The following ZFP90 variants were observed in gnomAD, a reference collection of about 807,000 sequenced individuals.
The protein encoded by ZFP90 is ZFP90 zinc finger protein, also known as zinc finger protein 90 homolog.
In ZFP90, 38 loss-of-function variants were observed where a neutral mutation model predicts 60.8. That is an observed-to-expected ratio of 0.62 (90% CI 0.48 to 0.82). ZFP90 has a LOEUF of 0.82. Ranked by LOEUF, ZFP90 falls within the 40% of genes least tolerant of loss-of-function variation. The pLI is 0.00. For missense variants in ZFP90, 711 were observed against 759.1 expected, an observed-to-expected ratio of 0.94 and a Z score of 0.74; for synonymous variants, 287 against 264.8, an observed-to-expected ratio of 1.08 and a Z score of -0.82.
At chr16:68,538,706 C>CAA (rs34774456), upstream of ZFP90, among the ~76,000 whole-genome samples, 108,421 of 145,192 alleles carry the variant, frequency 0.75, 40,257 homozygotes, top group East Asian at 0.81. Context: ...AACTGTGTCT[C>CAA]AAAAAAAAAA....
chr16:68,564,798 G>T lies in ZFP90; in HGVS notation c.*100G>T, dbSNP rs990244994. 2.1e-6 allele frequency: 3 copies of T among 1,462,746 alleles called. No homozygotes were observed. The highest frequency in any genetic ancestry group is 1.4e-5 in the African/African-American group (1 of 70,536). The allele number at this position is 1,462,746 out of a possible 1,614,324, so 90.6% of individuals were successfully genotyped here. A position where few individuals can be genotyped will look rare whatever the true frequency, so the allele number is the denominator to read the frequency against. ...AGCTTGGGAATGTAATGAATTACGT[G>T]TGTGTTTATACGTTGTGTGTGGAGA... On this transcript the variant is annotated 3_prime_UTR_variant, in exon 5 of 5. Coordinates refer to ENST00000563169, the MANE Select transcript of ZFP90 (RefSeq NM_001305203.2).
Position 68,565,854 on chromosome 16 carries a change from G to A in ZFP90, c.*1156G>A. On this transcript the variant is annotated 3_prime_UTR_variant, in exon 5 of 5. Transcript: ENST00000563169. ...AAAAAAATTAACTTGGCTAGGTATGGTGTCTCACACCTGTAATCCCAGCAC... is the reference window on the plus strand; with the variant it reads ...AAAAAAATTAACTTGGCTAGGTATGATGTCTCACACCTGTAATCCCAGCAC... 2.0e-6 allele frequency: 2 copies of A among 985,022 alleles called. No homozygotes were observed. Among genetic ancestry groups the A allele is most frequent in the African/African-American group, 3.5e-5 (2 of 57,264 alleles). 61.0% of individuals were successfully genotyped at this position (985,022 alleles called of 1,614,324 possible).
upstream of ZFP90, among the ~76,000 whole-genome samples, chr16:68,537,964 G>T (rs1033803027): frequency 1.3e-5 from 2 of 151,912 alleles, no homozygotes; most frequent in African/African-American, 4.8e-5. Flanking sequence ...CCAGGTTGGA[G>T]TGCAATGGTG....
downstream of ZFP90, among the ~76,000 whole-genome samples, chr16:68,568,444 C>T (rs1024986101): frequency 6.6e-6 from 1 of 152,130 alleles, no homozygotes; most frequent in Non-Finnish European, 1.5e-5. Flanking sequence ...ACACTGCTGG[C>T]AAGAGGGTAA....
At chr16:68,543,601 G>A (rs1321041215) in intron 2 of ZFP90, among the ~76,000 whole-genome samples, 2 of 147,574 alleles carry the variant, frequency 1.4e-5, no homozygotes, top group African/African-American at 2.5e-5. Context: ...TTGCTCTGTC[G>A]CCAGGCTAGA....
chr16:68,556,887 T>C (rs1021266888), intron 2 of ZFP90, among the ~76,000 whole-genome samples: 1 of 152,174 alleles, frequency 6.6e-6, no homozygotes, highest in African/African-American at 2.4e-5. Flanking sequence ...CATGTGGACA[T>C]GCAGGAGGCT....
chr16:68,558,877 C>T (rs1399679834), intron 4 of ZFP90, among the ~76,000 whole-genome samples: 1 of 150,992 alleles, frequency 6.6e-6, no homozygotes, highest in Non-Finnish European at 1.5e-5. Flanking sequence ...GTTGATCTCC[C>T]CCATCTTTTC....
At chr16:68,561,480 T>G (rs1567408666) in intron 4 of ZFP90, among the ~76,000 whole-genome samples, 1 of 152,234 alleles carries the variant, frequency 6.6e-6, no homozygotes, top group Non-Finnish European at 1.5e-5. Context: ...CTAATATTTA[T>G]TTCTTCCTTT....
chr16:68,539,840 C>G lies in ZFP90; in HGVS notation c.33+15C>G, dbSNP rs1318992341. 1 of 1,606,006 alleles carries G rather than the reference C, an allele frequency of 6.2e-7. No individual in the cohort carries two copies. Among genetic ancestry groups the G allele is most frequent in the East Asian group, 2.2e-5 (1 of 44,730 alleles). The stretch of plus-strand genomic sequence containing the variant: ...CCGCGCCCCAGGTGAGCAACGCGTT[C>G]CTAACCTCCTGGGCATCCCATCCAT... On this transcript the variant is annotated intron_variant, in intron 2 of 4. Transcript: ENST00000563169.
rs755270156 is a variant in ZFP90 at position 68,564,598 on chromosome 16, C to T, written c.1811C>T (p.Thr604Ile). ...CTGCATGATCATCAGAGAATTCATA[C>T]TGGAGAAAAACCCTATTCTTGTAAG... Reference protein sequence around the residue: ...TNLHDHQRIHTGEKPYSCKEC... With the variant: ...TNLHDHQRIHIGEKPYSCKEC... Residue 604 changes from threonine to isoleucine, a missense_variant, in exon 5 of 5, where the codon ACT (threonine) becomes ATT (isoleucine). Physicochemically the swap from Thr to Ile is moderately conservative, Grantham distance 89. Coordinates refer to ENST00000563169, the MANE Select transcript of ZFP90 (RefSeq NM_001305203.2). 4 of 1,614,048 alleles carry T rather than the reference C, an allele frequency of 2.5e-6. No homozygotes were observed. In the Admixed American group the frequency reaches 6.7e-5, roughly 27 times the overall value.
downstream of ZFP90, among the ~76,000 whole-genome samples, chr16:68,569,973 T>G (rs1297095177): frequency 6.6e-6 from 1 of 152,122 alleles, no homozygotes; most frequent in Non-Finnish European, 1.5e-5. Context: ...ATTTATTTTT[T>G]TTTTCGTCTA....
downstream of ZFP90, among the ~76,000 whole-genome samples, chr16:68,571,437 C>G (rs976195601): frequency 6.6e-6 from 1 of 152,246 alleles, no homozygotes; most frequent in Non-Finnish European, 1.5e-5. Context: ...GTATGTGCCT[C>G]TGTGAATGTT....
intron 2 of ZFP90, among the ~76,000 whole-genome samples, chr16:68,552,066 TTAG>T (rs1166713246): frequency 1.5e-5 from 1 of 65,602 alleles, no homozygotes; most frequent in East Asian, 5.4e-4. Context: ...GGCTGCTTTG[TTAG>T]TTTTTAAAAG....
chr16:68,539,344 G>C lies in ZFP90; in HGVS notation c.-171G>C, dbSNP rs1366428768. On this transcript the variant is annotated 5_prime_UTR_variant, in exon 1 of 5. Transcript: ENST00000563169. ...CATTGTCCGACCCCGGTGCGGCTGA[G>C]GCCCCTTTGGGCAGCCCCTCCGCAG... 1 of 187,434 alleles carries C rather than the reference G, an allele frequency of 5.3e-6. No homozygotes were observed. Among genetic ancestry groups the C allele is most frequent in the Admixed American group, 6.2e-5 (1 of 16,260 alleles). The allele number at this position is 187,434 out of a possible 1,614,324, so 11.6% of individuals were successfully genotyped here.
chr16:68,538,862 A>G (rs990491317), upstream of ZFP90, among the ~76,000 whole-genome samples: 23 of 152,158 alleles, frequency 1.5e-4, no homozygotes, highest in African/African-American at 5.3e-4. Context: ...TTTCTCTAAA[A>G]TGAGAAATGG....
chr16:68,566,134 T>C lies in ZFP90; in HGVS notation c.*1436T>C, dbSNP rs977117573. ...AGCAACAGAGCAAGACACACACACATCAATTTATTTTAGTTGTATAATGCT... is the reference window on the plus strand; with the variant it reads ...AGCAACAGAGCAAGACACACACACACCAATTTATTTTAGTTGTATAATGCT... On this transcript the variant is annotated 3_prime_UTR_variant, in exon 5 of 5. Coordinates refer to ENST00000563169, the MANE Select transcript of ZFP90 (RefSeq NM_001305203.2). 2.2e-6 allele frequency: 2 copies of C among 924,854 alleles called. No homozygotes were observed. The highest frequency in any genetic ancestry group is 2.5e-6 in the Non-Finnish European group (2 of 795,274). 57.3% of individuals were successfully genotyped at this position (924,854 alleles called of 1,614,324 possible).
chr16:68,548,504 T>TTTTTTTTTTTTTTA (rs2091195879), intron 2 of ZFP90, among the ~76,000 whole-genome samples: 1 of 55,690 alleles, frequency 1.8e-5, no homozygotes, highest in Admixed American at 1.9e-4. Flanking sequence ...TTTTTTTTTT[T>TTTTTTTTTTTTTTA]ATTGAGACGG....
rs2090994525 is a variant in ZFP90 at position 68,539,439 on chromosome 16, A to T, written c.-76A>T. 4 of 348,978 alleles carry T rather than the reference A, an allele frequency of 1.1e-5. 1 individual carries two copies. The East Asian group carries it at 1.8e-4, about 16-fold the overall frequency. The allele number at this position is 348,978 out of a possible 1,614,324, so 21.6% of individuals were successfully genotyped here. On this transcript the variant is annotated 5_prime_UTR_variant, in exon 1 of 5. Coordinates refer to ENST00000563169, the MANE Select transcript of ZFP90 (RefSeq NM_001305203.2). The stretch of plus-strand genomic sequence containing the variant: ...CTGCCCGAGGCTCTGGGTGGGCCGG[A>T]GGTCGCGAAATCCGGAGCCCCCCAG...
rs764094922 is a variant in ZFP90 at position 68,564,011 on chromosome 16, C to G, written c.1224C>G (p.Ser408=). ...GGAGGGCTTTTGGTCAGAGCCCATCCCTTTATAAACATATGAGGATTCATA... is the reference window on the plus strand; with the variant it reads ...GGAGGGCTTTTGGTCAGAGCCCATCGCTTTATAAACATATGAGGATTCATA... ...ICGRAFGQSP[S]LYKHMRIHKR... is the part of the protein sequence containing the mutation. Residue 408 remains serine, a synonymous_variant, in exon 5 of 5, where the codon TCC becomes TCG. Coordinates refer to ENST00000563169, the MANE Select transcript of ZFP90 (RefSeq NM_001305203.2). 5 of 1,613,706 alleles carry G rather than the reference C, an allele frequency of 3.1e-6. No homozygotes were observed. The highest frequency in any genetic ancestry group is 1.3e-5 in the African/African-American group (1 of 74,896).
Sources: gnomAD v4.1 joint callset for allele counts (sites outside exome capture counted in the v4.1 genomes callset) on GRCh38, gnomAD v4.1.1 for gene constraint, MANE v1.5 for transcripts, NCBI Gene and HGNC (gene_info 2026-07-23, HGNC 2026-07-21) for gene names.